Variants in RFX3 observed in about 807,000 individuals in gnomAD.
RFX3 encodes the protein regulatory factor X3, also known as transcription factor RFX3.
A neutral mutation model predicts 98.6 loss-of-function variants in RFX3; 14 were observed. That is an observed-to-expected ratio of 0.14 (90% CI 0.09 to 0.22). The LOEUF is 0.22. RFX3 is among the 10% of genes least tolerant of loss of function. The probability of loss-of-function intolerance (pLI) is 1.00; values close to 1 mark genes in which losing one functional copy is unlikely to be tolerated. For missense variants in RFX3, 639 were observed against 926.9 expected (o/e 0.69, Z 4.03); for synonymous variants, 383 against 328.4 (o/e 1.17, Z -1.80).
intron 1 of RFX3, among the ~76,000 whole-genome samples, chr9:3,410,726 T>G (rs1564064217): frequency 6.6e-6 from 1 of 152,262 alleles, no homozygotes; most frequent in Non-Finnish European, 1.5e-5. Flanking sequence ...CATGTACTAT[T>G]TATCTACGCT....
intron 1 of RFX3, among the ~76,000 whole-genome samples, chr9:3,437,881 T>A (rs1405673542): frequency 6.6e-6 from 1 of 152,066 alleles, no homozygotes; most frequent in African/African-American, 2.4e-5. Context: ...TGCTTCTCAA[T>A]TTTTTGAAAA....
intron 1 of RFX3, among the ~76,000 whole-genome samples, chr9:3,401,470 G>A (rs935736410): frequency 6.6e-6 from 1 of 152,162 alleles, no homozygotes; most frequent in Non-Finnish European, 1.5e-5. Context: ...GGTTTCTGGT[G>A]TTTTGTTTAT....
intron 1 of RFX3, among the ~76,000 whole-genome samples, chr9:3,426,403 G>C (rs1844036844): frequency 6.7e-6 from 1 of 150,152 alleles, no homozygotes; most frequent in South Asian, 2.1e-4. Flanking sequence ...GATAACTATA[G>C]TCATCCTACA....
At chr9:3,360,343 T>C (rs573006200) in intron 2 of RFX3, among the ~76,000 whole-genome samples, 1 of 152,220 alleles carries the variant, frequency 6.6e-6, no homozygotes, top group Non-Finnish European at 1.5e-5. Flanking sequence ...GCAGGAATAA[T>C]CTGCAATTTC....
chr9:3,270,851 A>G (rs1824336646), intron 10 of RFX3, 152 bp downstream of exon 10: 4 of 1,024,768 alleles, frequency 3.9e-6, no homozygotes, highest in Non-Finnish European at 4.3e-6. Flanking sequence ...TCAAGAGAGC[A>G]GTTCATGGTT....
chr9:3,361,644 A>C (rs912053362), intron 2 of RFX3, among the ~76,000 whole-genome samples: 2 of 145,480 alleles, frequency 1.4e-5, no homozygotes, highest in Non-Finnish European at 3.0e-5. Flanking sequence ...AAACATAGTG[A>C]GACCTTGTTT....
chr9:3,352,535 A>T (rs1371882806), intron 2 of RFX3, among the ~76,000 whole-genome samples: 2 of 152,106 alleles, frequency 1.3e-5, no homozygotes, highest in Non-Finnish European at 2.9e-5. Context: ...ATCACATCTT[A>T]AACTTCTCTG....
chr9:3,454,311 A>G (rs1046469211), intron 1 of RFX3, among the ~76,000 whole-genome samples: 3 of 152,258 alleles, frequency 2.0e-5, no homozygotes, highest in African/African-American at 4.8e-5. Context: ...GAAGAAATAC[A>G]TGTATATCTC....
At chr9:3,399,323 A>T (rs1433488569) in intron 1 of RFX3, among the ~76,000 whole-genome samples, 1 of 151,698 alleles carries the variant, frequency 6.6e-6, no homozygotes, top group East Asian at 1.9e-4. Context: ...GGGCACCTGT[A>T]ATCCCAGCTA....
intron 4 of RFX3, among the ~76,000 whole-genome samples, chr9:3,309,069 A>G (rs1829664798): frequency 6.6e-6 from 1 of 152,070 alleles, no homozygotes; most frequent in Non-Finnish European, 1.5e-5. Flanking sequence ...ACAAACAATC[A>G]CCTGGCCTTT....
chr9:3,251,534 T>C (rs1445118782), intron 14 of RFX3, among the ~76,000 whole-genome samples: 1 of 152,076 alleles, frequency 6.6e-6, no homozygotes, highest in African/African-American at 2.4e-5. Flanking sequence ...GGTCTCACTA[T>C]GTTGCCCAGG....
chr9:3,388,121 G>C (rs1267997756), intron 2 of RFX3, among the ~76,000 whole-genome samples: 1 of 152,056 alleles, frequency 6.6e-6, no homozygotes, highest in Non-Finnish European at 1.5e-5. Flanking sequence ...CTTACTGGTT[G>C]TAACGACATA....
chr9:3,498,372 G>A (rs571726999), intron 1 of RFX3, among the ~76,000 whole-genome samples: 4 of 151,998 alleles, frequency 2.6e-5, no homozygotes, highest in South Asian at 4.1e-4. Flanking sequence ...TAAATTTTAA[G>A]TTTATCATAA....
chr9:3,438,699 C>T (rs1845370691), intron 1 of RFX3, among the ~76,000 whole-genome samples: 1 of 151,906 alleles, frequency 6.6e-6, no homozygotes, highest in African/African-American at 2.4e-5. Context: ...AAAAGATATA[C>T]CACACTAATA....
chr9:3,348,675 C>G (rs1204958368), intron 2 of RFX3, among the ~76,000 whole-genome samples: 1 of 152,000 alleles, frequency 6.6e-6, no homozygotes, highest in African/African-American at 2.4e-5. Context: ...CCCCAGTACC[C>G]TCCAGAGGTG....
intron 2 of RFX3, among the ~76,000 whole-genome samples, chr9:3,386,611 C>T (rs995529104): frequency 9.9e-5 from 15 of 151,962 alleles, no homozygotes; most frequent in Non-Finnish European, 2.1e-4. Context: ...CAAAGAAATA[C>T]AAGAGGAAGC....
chr9:3,308,859 C>T (rs938659632), intron 4 of RFX3, among the ~76,000 whole-genome samples: 1 of 152,058 alleles, frequency 6.6e-6, no homozygotes, highest in African/African-American at 2.4e-5. Flanking sequence ...CAGAGAGGAA[C>T]TGGAGAATTA....
At chr9:3,446,731 A>G (rs1310019004) in intron 1 of RFX3, among the ~76,000 whole-genome samples, 1 of 152,124 alleles carries the variant, frequency 6.6e-6, no homozygotes, top group Non-Finnish European at 1.5e-5. Flanking sequence ...CCTAAAATCA[A>G]TCTTAATAAA....
chr9:3,378,113 C>T (rs1456239315), intron 2 of RFX3, among the ~76,000 whole-genome samples: 1 of 152,140 alleles, frequency 6.6e-6, no homozygotes, highest in Non-Finnish European at 1.5e-5. Context: ...GAATTCATCA[C>T]TGAAAATAAT....
Sources: allele counts gnomAD v4.1 joint callset (sites outside exome capture counted in the v4.1 genomes callset), GRCh38; gene constraint gnomAD v4.1.1; transcripts MANE v1.5; gene names NCBI Gene and HGNC (gene_info 2026-07-23, HGNC 2026-07-21).